KCNH6: variants seen among roughly 807,000 people sequenced by gnomAD.
KCNH6 encodes voltage-gated inwardly rectifying potassium channel KCNH6.
KCNH6 carries 81 observed loss-of-function variants against 83.4 expected under a neutral mutation model. The ratio of observed to expected loss-of-function variants is 0.97; its 90% CI spans 0.81 to 1.17. The LOEUF is 1.17. Among genes scored for constraint, KCNH6 ranks in the 50% most tolerant of loss-of-function variants. The pLI is 0.00. For synonymous variants in KCNH6, 503 were observed against 545.6 expected, an observed-to-expected ratio of 0.92 and a Z score of 1.09; for missense variants, 1,203 against 1,290.5, an observed-to-expected ratio of 0.93 and a Z score of 1.04.
chr17:63,524,406 G>T lies in KCNH6; in HGVS notation c.307+37G>T, dbSNP rs763230846. 13 of 1,575,194 alleles carry T rather than the reference G, an allele frequency of 8.3e-6. 1 individual carries two copies. The highest frequency in any genetic ancestry group is 1.7e-4 in the Middle Eastern group (1 of 5,822). On this transcript the variant is annotated intron_variant, in intron 2 of 12. Transcript: ENST00000314672. ...TCAGGCCAGAGGCTTTGCAGGGCAG[G>T]CTTGGCCCTCTGTCTTGTCCAGCCA...
chr17:63,543,659 A>G lies in KCNH6; in HGVS notation c.2232A>G (p.Ser744=). 6.2e-7 allele frequency: 1 copy of G among 1,606,628 alleles called. No individual in the cohort carries two copies. The highest frequency in any genetic ancestry group is 8.5e-7 in the Non-Finnish European group (1 of 1,174,050). The change falls in exon 10 of 13, where the codon TCA becomes TCG. Residue 744 remains serine (S), a splice_region_variant and synonymous_variant. Coordinates refer to ENST00000314672, the MANE Select transcript of KCNH6 (RefSeq NM_001278919.2). ...HQGFFLSDNQ[S]DAAPPLSISD... The stretch of plus-strand genomic sequence containing the variant: ...GTTTCTTTCTCAGTGACAACCAGTC[A>G]GGTGAGCAAAGCCAGCCCCCACCCC...
In KCNH6 at chr17:63,535,678, C is replaced by A; in HGVS notation, c.1111C>A (p.Leu371Met). The A allele has an allele frequency of 1.9e-6, 3 of 1,604,266 alleles. No homozygotes were observed. The highest frequency in any genetic ancestry group is 2.6e-6 in the Non-Finnish European group (3 of 1,173,118). The stretch of plus-strand genomic sequence containing the variant: ...TTCCCTACCCCTCCAGACCACAACC[C>A]TGATTGGGCTATTGAAGACAGCGCG... ...FRTGSDETTT[L>M]IGLLKTARLL... Residue 371 changes from leucine (L) to methionine (M), a missense_variant, in exon 6 of 13, where the codon CTG becomes ATG. By Grantham distance (15) the Leu-to-Met change is conservative. Transcript: ENST00000314672. The surrounding 1 kb of genome is among the most constrained non-coding windows in gnomAD (Gnocchi z 4.9).
At position 63,530,116 on chromosome 17, in the gene KCNH6, T is replaced by G; in HGVS notation, c.333T>G (p.Asp111Glu). 3 of 1,613,758 alleles carry G rather than the reference T, an allele frequency of 1.9e-6. No individual in the cohort carries two copies. Among genetic ancestry groups the G allele is most frequent in the Non-Finnish European group, 2.5e-6 (3 of 1,180,038 alleles). Residue 111 changes from aspartate (D) to glutamate (E), a missense_variant, in exon 3 of 13, where the codon GAT (aspartate) becomes GAG (glutamate). Coordinates refer to ENST00000314672, the MANE Select transcript of KCNH6 (RefSeq NM_001278919.2). ...CCTCCAGCTTCCGCTGCCTGGTAGA[T>G]GTGGTGCCCGTGAAGAACGAGGACG... ...KDASSFRCLVDVVPVKNEDGA... is the reference protein window; with the variant it reads ...KDASSFRCLVEVVPVKNEDGA...
At chr17:63,526,379 C>T (rs948616990) in intron 2 of KCNH6, among the ~76,000 whole-genome samples, 1 of 147,700 alleles carries the variant, frequency 6.8e-6, no homozygotes, top group Non-Finnish European at 1.5e-5. Context: ...CCACTCTGAC[C>T]TCATATAATC....
chr17:63,525,292 C>T (rs1050021897), intron 2 of KCNH6, among the ~76,000 whole-genome samples: 1 of 152,166 alleles, frequency 6.6e-6, no homozygotes, highest in African/African-American at 2.4e-5. Context: ...TGCCCAAGAT[C>T]CCACTGCTAG....
chr17:63,525,862 A>G (rs752047857), intron 2 of KCNH6, among the ~76,000 whole-genome samples: 5 of 152,224 alleles, frequency 3.3e-5, no homozygotes, highest in Admixed American at 1.3e-4. Flanking sequence ...GAGAGGTGGC[A>G]GTCAGGGGAG....
rs113257106 is a variant in KCNH6, at chr17:63,535,711, C to T, written c.1144C>T (p.Arg382Trp). Reference protein sequence around the residue: ...IGLLKTARLLRLVRVARKLDR... With the variant: ...IGLLKTARLLWLVRVARKLDR... ...GCTATTGAAGACAGCGCGGCTGCTG[C>T]GGCTGGTGCGCGTAGCACGGAAGCT... Residue 382 changes from arginine to tryptophan, a missense_variant, in exon 6 of 13, where the codon CGG becomes TGG. Arg to Trp is a moderately radical substitution (Grantham distance 101, BLOSUM62 -3). Coordinates refer to ENST00000314672, the MANE Select transcript of KCNH6 (RefSeq NM_001278919.2). This position sits in a 1 kb window ranked among gnomAD's most constrained non-coding sequence, Gnocchi z 4.9. 43 of 1,612,684 alleles carry T rather than the reference C, an allele frequency of 2.7e-5. No homozygotes were observed. Among genetic ancestry groups the T allele is most frequent in the Admixed American group, 8.3e-5 (5 of 59,970 alleles).
In KCNH6 at chr17:63,538,522, CGCTA is replaced by C. The variant is rs2032671685; in HGVS notation, c.1817_1820del (p.Leu606ProfsTer45). 4 of 1,605,984 alleles carry C rather than the reference CGCTA, an allele frequency of 2.5e-6. No individual in the cohort carries two copies. Among genetic ancestry groups the C allele is most frequent in the Non-Finnish European group, 3.4e-6 (4 of 1,176,826 alleles). On this transcript the variant is annotated frameshift_variant, in exon 8 of 13. Transcript: ENST00000314672. LOFTEE classifies it high-confidence loss of function. The surrounding 1 kb of genome is among the most constrained non-coding windows in gnomAD (Gnocchi z 4.0). The stretch of plus-strand genomic sequence containing the variant: ...GGCGCCGGCAAGGGCTGCCTGCGCG[CGCTA>C]GCCGTCAAGTTCAAGACCACCCACG...
chr17:63,541,209 C>T (rs1598008127), intron 8 of KCNH6, among the ~76,000 whole-genome samples: 1 of 152,050 alleles, frequency 6.6e-6, no homozygotes, highest in East Asian at 1.9e-4. Flanking sequence ...TGCCACATAC[C>T]ACATACCTGA....
rs781478641 is a variant in KCNH6, at chr17:63,530,133, A to G, written c.350A>G (p.Asn117Ser). The change falls in exon 3 of 13, where the codon AAC becomes AGC. Residue 117 changes from asparagine to serine, a missense_variant. Physicochemically the swap from Asn to Ser is conservative, Grantham distance 46. Transcript: ENST00000314672. ...CTGGTAGATGTGGTGCCCGTGAAGA[A>G]CGAGGACGGGGCTGTCATCATGTTC... ...RCLVDVVPVK[N>S]EDGAVIMFIL... The G allele has an allele frequency of 6.2e-7, 1 of 1,613,910 alleles. No homozygotes were observed.
intron 6 of KCNH6, chr17:63,536,299 A>G (rs1399592008): frequency 1.8e-6 from 1 of 555,446 alleles, no homozygotes; most frequent in African/African-American, 1.9e-5. Context: ...AGGCTACATA[A>G]TTTGCAGAGC....
chr17:63,523,968 T>A lies in KCNH6; in HGVS notation c.77-171T>A, dbSNP rs2031516673. On this transcript the variant is annotated intron_variant, in intron 1 of 12. Coordinates refer to ENST00000314672, the MANE Select transcript of KCNH6 (RefSeq NM_001278919.2). This position sits in a 1 kb window ranked among gnomAD's most constrained non-coding sequence, Gnocchi z 4.2. Reference sequence around the variant, plus strand: ...CTTCCTTCCACCTCAAGACCCTCACTGCCCTAGTCTTCCCACAATCCCCAG... The same window carrying A: ...CTTCCTTCCACCTCAAGACCCTCACAGCCCTAGTCTTCCCACAATCCCCAG... Among the ~76,000 whole-genome samples, 1 of 152,018 alleles carries A rather than the reference T, an allele frequency of 6.6e-6. No homozygotes were observed. Among genetic ancestry groups the A allele is most frequent in the Non-Finnish European group, 1.5e-5 (1 of 67,974 alleles).
rs568737787 is a variant in KCNH6, at chr17:63,538,715, C to T, written c.1954+53C>T. The stretch of plus-strand genomic sequence containing the variant: ...GTGTTGGGGATTGGATGGAAGAGGG[C>T]GGGATTGGAGATGCCCTGCCCAGGC... On this transcript the variant is annotated intron_variant, in intron 8 of 12. Transcript: ENST00000314672. This position sits in a 1 kb window ranked among gnomAD's most constrained non-coding sequence, Gnocchi z 4.0. 66 of 1,509,554 alleles carry T rather than the reference C, an allele frequency of 4.4e-5. No individual in the cohort carries two copies. In the African/African-American group the frequency reaches 5.3e-4, roughly 12 times the overall value. 93.5% of individuals were successfully genotyped at this position (1,509,554 alleles called of 1,614,324 possible).
At chr17:63,528,256 T>C (rs2031847649) in intron 2 of KCNH6, among the ~76,000 whole-genome samples, 1 of 152,200 alleles carries the variant, frequency 6.6e-6, no homozygotes, top group African/African-American at 2.4e-5. Flanking sequence ...ACTGGAGTTA[T>C]GGGCTTGGGC....
At chr17:63,543,758 C>T (rs2033002516) in intron 10 of KCNH6, 98 bp downstream of exon 10, 1 of 786,752 alleles carries the variant, frequency 1.3e-6, no homozygotes, top group Non-Finnish European at 2.2e-6. Context: ...AGCGCCACCC[C>T]ACTCCATGAG....
At chr17:63,547,830 G>A (rs2033178189), downstream of KCNH6, among the ~76,000 whole-genome samples, 1 of 152,034 alleles carries the variant, frequency 6.6e-6, no homozygotes, top group East Asian at 1.9e-4. Context: ...ATGCGCACCT[G>A]TAGTCCCAGG....
chr17:63,534,278 C>T lies in KCNH6; in HGVS notation c.1068C>T (p.Phe356=), dbSNP rs774234991. ...TTGACATGGTGGCCGCCATCCCTTT[C>T]GACCTCCTGATCTTCCGCACTGGCT... ...FLIDMVAAIP[F]DLLIFRTGSD... is the part of the protein sequence containing the mutation. The change falls in exon 5 of 13, where the codon TTC becomes TTT. Residue 356 remains phenylalanine, a synonymous_variant. Coordinates refer to ENST00000314672, the MANE Select transcript of KCNH6 (RefSeq NM_001278919.2). This position sits in a 1 kb window ranked among gnomAD's most constrained non-coding sequence, Gnocchi z 5.0. The T allele has an allele frequency of 6.8e-6, 11 of 1,613,800 alleles. No homozygotes were observed. The highest frequency in any genetic ancestry group is 1.6e-4 in the Middle Eastern group (1 of 6,084).
rs779702010 is a variant in KCNH6, at chr17:63,544,072, G to A, written c.2234-177G>A. 6.2e-7 allele frequency: 1 copy of A among 1,608,526 alleles called. No individual in the cohort carries two copies. Among genetic ancestry groups the A allele is most frequent in the South Asian group, 1.1e-5 (1 of 90,018 alleles). On this transcript the variant is annotated intron_variant, in intron 10 of 12. Coordinates refer to ENST00000314672, the MANE Select transcript of KCNH6 (RefSeq NM_001278919.2). Reference sequence around the variant, plus strand: ...AAGGGCTACAGCCTCCTGGGTCCTGGGAGCCAGAACTCCATGGGGGCAGGA... The same window carrying A: ...AAGGGCTACAGCCTCCTGGGTCCTGAGAGCCAGAACTCCATGGGGGCAGGA...
chr17:63,537,601 A>C (rs528011172), intron 6 of KCNH6, among the ~76,000 whole-genome samples: 8 of 151,788 alleles, frequency 5.3e-5, no homozygotes, highest in Non-Finnish European at 1.2e-4. Flanking sequence ...TGCCCGGCTA[A>C]TTTTTCTATT....
Sources: gnomAD v4.1 joint callset for allele counts (sites outside exome capture counted in the v4.1 genomes callset) on GRCh38, gnomAD v4.1.1 for gene constraint, Gnocchi (gnomAD v3.1) non-coding constraint, MANE v1.5 for transcripts, NCBI Gene and HGNC (gene_info 2026-07-23, HGNC 2026-07-21) for gene names.